The following CYP2C18 variants were observed in gnomAD, a reference collection of about 807,000 sequenced individuals.
CYP2C18 encodes cytochrome P450 family 2 subfamily C member 18.
A neutral mutation model predicts 41.3 loss-of-function variants in CYP2C18; 38 were observed. That is an observed-to-expected ratio of 0.92 (90% CI 0.71 to 1.21). CYP2C18 has a LOEUF of 1.21. CYP2C18 is among the 50% of genes most tolerant of loss of function. CYP2C18 has a pLI of 0.00. For synonymous variants in CYP2C18, 236 were observed against 210.0 expected, an observed-to-expected ratio of 1.12 and a Z score of -1.07; for missense variants, 635 against 591.4, an observed-to-expected ratio of 1.07 and a Z score of -0.77.
chr10:94,710,869 T>C (rs1426180849), intron 5 of CYP2C18, among the ~76,000 whole-genome samples: 1 of 152,202 alleles, frequency 6.6e-6, no homozygotes, highest in Non-Finnish European at 1.5e-5. Context: ...ATTAAATTAA[T>C]GCTGTTCTAG....
At chr10:94,720,351 T>C in intron 5 of CYP2C18, 45 bp from the exon 6 acceptor site, 1 of 1,517,098 alleles carries the variant, frequency 6.6e-7, no homozygotes, top group South Asian at 1.2e-5. Flanking sequence ...TAATTTAATA[T>C]GCTGGCAAAC....
At chr10:94,720,918 A>G (rs955860434) in intron 6 of CYP2C18, among the ~76,000 whole-genome samples, 1 of 152,132 alleles carries the variant, frequency 6.6e-6, no homozygotes, top group African/African-American at 2.4e-5. Context: ...TCTTTTTTGA[A>G]ATGAGTAGAA....
chr10:94,720,464 G>A lies in CYP2C18; in HGVS notation c.888G>A (p.Gly296=), dbSNP rs767844057. The A allele has an allele frequency of 1.9e-6, 3 of 1,613,254 alleles. No individual in the cohort carries two copies. The highest frequency in any genetic ancestry group is 3.3e-5 in the Admixed American group (2 of 59,952). ...TAGCCACTGTAACTGATATGTTTGG[G>A]GCTGGAACAGAGACAACGAGCACCA... is the stretch of plus-strand genomic sequence containing the variant. The part of the protein sequence containing the change: ...SLIATVTDMF[G]AGTETTSTTL... Residue 296 remains glycine, a synonymous_variant, in exon 6 of 9, where the codon GGG becomes GGA. Coordinates refer to ENST00000285979, the MANE Select transcript of CYP2C18 (RefSeq NM_000772.3).
intron 4 of CYP2C18, among the ~76,000 whole-genome samples, chr10:94,697,737 T>A (rs1847147355): frequency 6.6e-6 from 1 of 152,070 alleles, no homozygotes; most frequent in African/African-American, 2.4e-5. Flanking sequence ...AGGAGAACAA[T>A]CTCATGTACA....
At chr10:94,702,012 A>G (rs1847255043) in intron 4 of CYP2C18, among the ~76,000 whole-genome samples, 1 of 152,038 alleles carries the variant, frequency 6.6e-6, no homozygotes, top group African/African-American at 2.4e-5. Context: ...AAAATAAAAA[A>G]GAAATTCTTG....
intron 3 of CYP2C18, among the ~76,000 whole-genome samples, chr10:94,691,295 T>C (rs1184564893): frequency 6.6e-6 from 1 of 152,174 alleles, no homozygotes; most frequent in African/African-American, 2.4e-5. Context: ...GCCCAAAATC[T>C]CCTTAAGCTG....
At chr10:94,712,907 T>C (rs1847464494) in intron 5 of CYP2C18, among the ~76,000 whole-genome samples, 1 of 152,196 alleles carries the variant, frequency 6.6e-6, no homozygotes, top group Admixed American at 6.5e-5. Context: ...TAGCTCATTG[T>C]GTTTTTAATT....
In CYP2C18 at chr10:94,719,089, T is replaced by A. The variant is rs900748374; in HGVS notation, c.820-1307T>A. ...TGTGAATAGATATTTATTTGGTGTA[T>A]CCTTGGGTGGAAGAAGAGACTGGAG... On this transcript the variant is annotated intron_variant, in intron 5 of 8. Coordinates refer to ENST00000285979, the MANE Select transcript of CYP2C18 (RefSeq NM_000772.3). Among the ~76,000 whole-genome samples, 3 of 152,162 alleles carry A rather than the reference T, an allele frequency of 2.0e-5. No individual in the cohort carries two copies. The South Asian group carries it at 6.2e-4, about 32-fold the overall frequency.
chr10:94,699,343 G>A (rs1295556870), intron 4 of CYP2C18, among the ~76,000 whole-genome samples: 3 of 152,110 alleles, frequency 2.0e-5, no homozygotes, highest in African/African-American at 4.8e-5. Flanking sequence ...ATCAATAAAC[G>A]TAATCCAGCA....
chr10:94,684,290 A>C (rs114740046), intron 1 of CYP2C18, among the ~76,000 whole-genome samples: 32 of 152,260 alleles, frequency 2.1e-4, no homozygotes, highest in African/African-American at 7.5e-4. Flanking sequence ...AGAACACCCG[A>C]GCTTATTCCT....
chr10:94,720,275 C>A, intron 5 of CYP2C18, 121 bp from the exon 6 acceptor site: 1 of 778,282 alleles, frequency 1.3e-6, no homozygotes, highest in Non-Finnish European at 2.0e-6. Flanking sequence ...AGTTTTAATA[C>A]TGCACTCTGT....
intron 3 of CYP2C18, among the ~76,000 whole-genome samples, chr10:94,691,329 AG>A (rs1337513288): frequency 1.3e-5 from 2 of 152,242 alleles, no homozygotes; most frequent in African/African-American, 4.8e-5. Flanking sequence ...GTAAAGTCTC[AG>A]GATACAAAAT....
chr10:94,702,538 T>C (rs568375714), intron 4 of CYP2C18, among the ~76,000 whole-genome samples: 6 of 152,014 alleles, frequency 3.9e-5, no homozygotes, highest in African/African-American at 1.4e-4. Context: ...CTATTGATAG[T>C]TGTGTATGCT....
At chr10:94,686,056 T>G (rs1273980424) in intron 1 of CYP2C18, among the ~76,000 whole-genome samples, 1 of 152,158 alleles carries the variant, frequency 6.6e-6, no homozygotes, top group Admixed American at 6.6e-5. Flanking sequence ...TTGTGTCATC[T>G]TCAATTTCTT....
At chr10:94,717,289 C>G (rs1847566812) in intron 5 of CYP2C18, among the ~76,000 whole-genome samples, 1 of 152,128 alleles carries the variant, frequency 6.6e-6, no homozygotes. Context: ...ATGGTCTTTA[C>G]AATTTAGCAT....
intron 1 of CYP2C18, among the ~76,000 whole-genome samples, chr10:94,686,730 T>C (rs968696488): frequency 6.6e-6 from 1 of 152,176 alleles, no homozygotes; most frequent in African/African-American, 2.4e-5. Context: ...TTTTTTGTCA[T>C]TGTCAGAAAT....
At chr10:94,704,536 G>A (rs7100783) in intron 4 of CYP2C18, among the ~76,000 whole-genome samples, 25,154 of 151,798 alleles carry the variant, frequency 0.17, 2,292 homozygotes, top group South Asian at 0.33. Flanking sequence ...ATGGAAGGAA[G>A]TAAGGAAAGG....
chr10:94,701,013 T>A (rs1370528969), intron 4 of CYP2C18, among the ~76,000 whole-genome samples: 1 of 152,218 alleles, frequency 6.6e-6, no homozygotes, highest in African/African-American at 2.4e-5. Context: ...AGTTTTACAC[T>A]GTTGGTGGGA....
chr10:94,693,758 A>G (rs1847059611), intron 3 of CYP2C18, among the ~76,000 whole-genome samples: 5 of 152,292 alleles, frequency 3.3e-5, no homozygotes, highest in Middle Eastern at 6.8e-3. Flanking sequence ...TTAATTCCCC[A>G]TCATTACCGC....
Sources: allele counts gnomAD v4.1 joint callset (sites outside exome capture counted in the v4.1 genomes callset), GRCh38; gene constraint gnomAD v4.1.1; transcripts MANE v1.5; gene names NCBI Gene and HGNC (gene_info 2026-07-23, HGNC 2026-07-21).